Variants in MAN1A2 observed in about 807,000 individuals in gnomAD.
MAN1A2 encodes the protein mannosidase alpha class 1A member 2.
In MAN1A2, 26 loss-of-function variants were observed where a neutral mutation model predicts 75.7. The observed-to-expected ratio is 0.34, with a 90% CI of 0.25 to 0.48. The LOEUF is 0.48. Ranked by LOEUF, MAN1A2 falls within the 20% of genes least tolerant of loss-of-function variation. The pLI, the probability that MAN1A2 is intolerant of heterozygous loss-of-function variation, is 0.99. For missense variants in MAN1A2, 562 were observed against 775.5 expected, an observed-to-expected ratio of 0.72 and a Z score of 3.27; for synonymous variants, 247 against 264.6, an observed-to-expected ratio of 0.93 and a Z score of 0.65.
chr1:117,464,827 T>C (rs1649934849), intron 7 of MAN1A2, among the ~76,000 whole-genome samples: 1 of 152,150 alleles, frequency 6.6e-6, no homozygotes, highest in African/African-American at 2.4e-5. Context: ...AACATTTATG[T>C]CTGGACTCTT....
At chr1:117,435,448 TC>T (rs1648818464) in intron 5 of MAN1A2, among the ~76,000 whole-genome samples, 1 of 152,148 alleles carries the variant, frequency 6.6e-6, no homozygotes, top group Non-Finnish European at 1.5e-5. Context: ...CTTAATAAGA[TC>T]TGTTTCAGTG....
intron 1 of MAN1A2, 29 bp downstream of exon 1, chr1:117,368,514 AACATTTGGCAGAGCAAGGTAC>A: frequency 6.4e-7 from 1 of 1,559,202 alleles, no homozygotes; most frequent in Non-Finnish European, 8.7e-7. Flanking sequence ...TTCTGGTACT[AACATTTGGCAGAGCAAGGTAC>A]GGTGATTGGA....
In MAN1A2 at chr1:117,512,171, CAAG is replaced by C. The variant is rs774242765; in HGVS notation, c.1793+9208_1793+9210del. 2.6e-5 allele frequency among the ~76,000 whole-genome samples: 4 copies of C among 151,988 alleles called. 1 individual carries two copies. The South Asian group carries it at 8.3e-4, about 31-fold the overall frequency. ...ATAATGAGTCAAAGAATTGATAAAG[CAAG>C]AAGAAGGGACCCAAGGCAAAATGTG... On this transcript the variant is annotated intron_variant, in intron 12 of 12. Transcript: ENST00000356554.
intron 1 of MAN1A2, among the ~76,000 whole-genome samples, chr1:117,369,472 A>G (rs1557921421): frequency 6.6e-6 from 1 of 152,304 alleles, no homozygotes; most frequent in Non-Finnish European, 1.5e-5. Context: ...GATAGTTTTA[A>G]CTTTTTGTCA....
intron 1 of MAN1A2, among the ~76,000 whole-genome samples, chr1:117,372,683 A>G (rs1653002595): frequency 6.6e-6 from 1 of 152,202 alleles, no homozygotes; most frequent in African/African-American, 2.4e-5. Context: ...ATGTTGTTAT[A>G]CGCTAATATA....
At chr1:117,419,250 C>G (rs1648110634) in intron 4 of MAN1A2, among the ~76,000 whole-genome samples, 1 of 151,964 alleles carries the variant, frequency 6.6e-6, no homozygotes, top group South Asian at 2.1e-4. Flanking sequence ...TTAAAAGGCT[C>G]ATTTTAACTA....
chr1:117,520,477 A>G (rs887768710), intron 12 of MAN1A2, among the ~76,000 whole-genome samples: 2 of 152,266 alleles, frequency 1.3e-5, no homozygotes, highest in East Asian at 3.9e-4. Flanking sequence ...AAGTTTCCAG[A>G]TACAAAATTA....
At chr1:117,403,966 G>A (rs1647528156) in intron 2 of MAN1A2, among the ~76,000 whole-genome samples, 1 of 152,050 alleles carries the variant, frequency 6.6e-6, no homozygotes, top group Non-Finnish European at 1.5e-5. Flanking sequence ...TTTACTGAGA[G>A]TTTTATCATG....
intron 2 of MAN1A2, 40 bp from the exon 3 acceptor site, chr1:117,405,508 GA>G (rs1361686942): frequency 7.7e-7 from 1 of 1,295,880 alleles, no homozygotes; most frequent in Non-Finnish European, 1.1e-6. Context: ...AACAGTTTGT[GA>G]AAAATTTAAA....
intron 3 of MAN1A2, among the ~76,000 whole-genome samples, chr1:117,412,549 A>G (rs1468258302): frequency 6.6e-6 from 1 of 151,382 alleles, no homozygotes; most frequent in South Asian, 2.1e-4. Flanking sequence ...CTTTCTTAGA[A>G]TATTCAGTTA....
chr1:117,447,434 G>GGT (rs369434168), intron 6 of MAN1A2, among the ~76,000 whole-genome samples: 3 of 151,718 alleles, frequency 2.0e-5, no homozygotes, highest in East Asian at 1.9e-4. Flanking sequence ...TGTTGGGAAT[G>GGT]GTGTGTGTGT....
Position 117,527,222 on chromosome 1 carries a change from G to A in MAN1A2, c.*4265G>A, listed in dbSNP as rs1652055149. 1 of 151,672 alleles carries A rather than the reference G, an allele frequency of 6.6e-6. No homozygotes were observed. The highest frequency in any genetic ancestry group is 6.6e-5 in the Admixed American group (1 of 15,178). The allele number at this position is 151,672 out of a possible 1,614,324, so 9.4% of individuals were successfully genotyped here. The stretch of plus-strand genomic sequence containing the variant: ...TATTTTAGGCTATGAGAGCTATACA[G>A]TCTCTCTTATTACTCATTTCTGCTG... On this transcript the variant is annotated 3_prime_UTR_variant, in exon 13 of 13. Transcript: ENST00000356554.
At chr1:117,412,076 T>A (rs915062741) in intron 3 of MAN1A2, among the ~76,000 whole-genome samples, 2 of 151,828 alleles carry the variant, frequency 1.3e-5, no homozygotes, top group African/African-American at 4.8e-5. Context: ...TTCCCTATGT[T>A]ATATAAAAGT....
At chr1:117,460,416 T>C (rs954842857) in intron 6 of MAN1A2, 73 bp from the exon 7 acceptor site, 19 of 1,023,852 alleles carry the variant, frequency 1.9e-5, no homozygotes, top group Non-Finnish European at 2.6e-5. Flanking sequence ...ATTTAAAATT[T>C]ACATATTCAT....
At chr1:117,520,744 C>G (rs1371950764) in intron 12 of MAN1A2, among the ~76,000 whole-genome samples, 1 of 151,984 alleles carries the variant, frequency 6.6e-6, no homozygotes, top group Admixed American at 6.6e-5. Context: ...ACCATACTGC[C>G]AAAAGCAATC....
At chr1:117,501,782 GAGAAGCCCAGAAGAGTA>G (rs1164927188) in intron 11 of MAN1A2, among the ~76,000 whole-genome samples, 2 of 151,674 alleles carry the variant, frequency 1.3e-5, no homozygotes, top group Non-Finnish European at 2.9e-5. Flanking sequence ...TCATAGGAAG[GAGAAGCCCAGAAGAGTA>G]AGAAAAGTAG....
intron 4 of MAN1A2, among the ~76,000 whole-genome samples, chr1:117,417,802 A>G (rs1299463): frequency 0.16 from 24,777 of 151,256 alleles, 2,497 homozygotes; most frequent in African/African-American, 0.26. Context: ...TTTGAAATTA[A>G]TCAATTTCAG....
At chr1:117,370,958 C>G (rs1471894205) in intron 1 of MAN1A2, among the ~76,000 whole-genome samples, 1 of 152,104 alleles carries the variant, frequency 6.6e-6, no homozygotes, top group Non-Finnish European at 1.5e-5. Flanking sequence ...CATACCCTAG[C>G]TTGCCACTGA....
intron 4 of MAN1A2, among the ~76,000 whole-genome samples, chr1:117,419,887 A>T (rs542310108): frequency 5.9e-5 from 9 of 152,118 alleles, no homozygotes; most frequent in Admixed American, 3.9e-4. Flanking sequence ...TCATCAATTT[A>T]TCAAAACTAT....
Sources: allele counts gnomAD v4.1 joint callset (sites outside exome capture counted in the v4.1 genomes callset), GRCh38; gene constraint gnomAD v4.1.1; transcripts MANE v1.5; gene names NCBI Gene and HGNC (gene_info 2026-07-23, HGNC 2026-07-21).